The following CCDC15 variants were observed in gnomAD, a reference collection of about 807,000 sequenced individuals.
CCDC15 encodes coiled-coil domain-containing protein 15.
In CCDC15, 105 loss-of-function variants were observed where a neutral mutation model predicts 114.5. That is an observed-to-expected ratio of 0.92 (90% CI 0.78 to 1.08). CCDC15 has a LOEUF of 1.08. Ranked by LOEUF, CCDC15 falls within the 50% of genes least tolerant of loss-of-function variation. The pLI, the probability that CCDC15 is intolerant of heterozygous loss-of-function variation, is 0.00. For synonymous variants in CCDC15, 334 were observed against 377.8 expected (o/e 0.88, Z 1.34); for missense variants, 1,105 against 1,093.6 (o/e 1.01, Z -0.15).
intron 2 of CCDC15, among the ~76,000 whole-genome samples, chr11:124,958,653 G>A (rs1947597879): frequency 6.6e-6 from 1 of 152,162 alleles, no homozygotes; most frequent in Non-Finnish European, 1.5e-5. Context: ...AATGAGAGGT[G>A]TTATAGCATA....
chr11:125,012,355 T>A (rs1948598446), intron 13 of CCDC15, among the ~76,000 whole-genome samples: 1 of 152,212 alleles, frequency 6.6e-6, no homozygotes, highest in South Asian at 2.1e-4. Context: ...GATTCTGCAT[T>A]TATTCAGAAA....
At chr11:125,035,405 T>C (rs1039670774) in intron 13 of CCDC15, among the ~76,000 whole-genome samples, 2 of 151,932 alleles carry the variant, frequency 1.3e-5, no homozygotes, top group African/African-American at 2.4e-5. Context: ...CTCCTGCTCT[T>C]TTTTGGTTTC....
At chr11:124,979,250 C>G (rs547463908) in intron 6 of CCDC15, among the ~76,000 whole-genome samples, 21 of 152,198 alleles carry the variant, frequency 1.4e-4, no homozygotes, top group Admixed American at 3.9e-4. Context: ...TGCTCTTTTT[C>G]TTAGAATTGC....
At chr11:124,962,648 C>CTT (rs11286590) in intron 4 of CCDC15, among the ~76,000 whole-genome samples, 8,453 of 147,778 alleles carry the variant, frequency 0.057, 271 homozygotes, top group African/African-American at 0.088. Flanking sequence ...GAATTCAGTT[C>CTT]TTTTTTTTTT....
chr11:124,969,653 A>G (rs1947847274), intron 4 of CCDC15, among the ~76,000 whole-genome samples: 1 of 152,198 alleles, frequency 6.6e-6, no homozygotes, highest in African/African-American at 2.4e-5. Flanking sequence ...TAAAGCTTTA[A>G]GTAATGTGAA....
intron 13 of CCDC15, among the ~76,000 whole-genome samples, chr11:125,016,563 C>T (rs1053292813): frequency 3.9e-5 from 6 of 152,136 alleles, no homozygotes; most frequent in African/African-American, 1.4e-4. Flanking sequence ...ACTGTCTCAC[C>T]TAGGCCAGAT....
chr11:125,019,692 A>G (rs1027471609), intron 13 of CCDC15, among the ~76,000 whole-genome samples: 2 of 152,002 alleles, frequency 1.3e-5, no homozygotes, highest in African/African-American at 4.8e-5. Flanking sequence ...GTCACTGGGT[A>G]CATGTTGTAC....
intron 2 of CCDC15, 136 bp downstream of exon 2, chr11:124,955,045 C>T: frequency 2.5e-6 from 2 of 803,580 alleles, no homozygotes; most frequent in Non-Finnish European, 3.8e-6. Flanking sequence ...TATGCTCTTG[C>T]ATTAGGATTA....
chr11:124,979,826 G>A (rs1436324205), intron 6 of CCDC15, among the ~76,000 whole-genome samples: 3 of 152,120 alleles, frequency 2.0e-5, no homozygotes, highest in African/African-American at 2.4e-5. Context: ...TGATGAGAGA[G>A]GACATCTTTG....
chr11:124,990,973 T>C (rs1353764583), intron 8 of CCDC15, among the ~76,000 whole-genome samples: 1 of 152,216 alleles, frequency 6.6e-6, no homozygotes, highest in African/African-American at 2.4e-5. Context: ...GTTTTTGGTT[T>C]TTCCATAAGG....
intron 12 of CCDC15, 83 bp from the exon 13 acceptor site, chr11:125,005,026 T>TTGTC: frequency 3.4e-6 from 2 of 587,046 alleles, no homozygotes; most frequent in Non-Finnish European, 5.9e-6. Context: ...GCATTTGTTT[T>TTGTC]TGTCTATGGT....
intron 4 of CCDC15, among the ~76,000 whole-genome samples, chr11:124,960,416 A>G (rs1326876470): frequency 1.3e-5 from 2 of 151,908 alleles, no homozygotes; most frequent in African/African-American, 4.8e-5. Context: ...AAGAACATGG[A>G]TTTTCCAAGT....
At chr11:124,971,020 A>G (rs181763462) in intron 4 of CCDC15, among the ~76,000 whole-genome samples, 80 of 152,256 alleles carry the variant, frequency 5.3e-4, no homozygotes, top group African/African-American at 1.0e-3. Flanking sequence ...ACATATTACT[A>G]CACAACCCTT....
At chr11:124,969,270 A>T (rs1947839236) in intron 4 of CCDC15, among the ~76,000 whole-genome samples, 1 of 152,156 alleles carries the variant, frequency 6.6e-6, no homozygotes, top group Non-Finnish European at 1.5e-5. Flanking sequence ...AAGGTCAGTT[A>T]AGATTAGTTG....
At position 124,977,548 on chromosome 11, in the gene CCDC15, T is replaced by C; in HGVS notation, c.701T>C (p.Val234Ala). 6.2e-7 allele frequency: 1 copy of C among 1,609,436 alleles called. No homozygotes were observed. Among genetic ancestry groups the C allele is most frequent in the Non-Finnish European group, 8.5e-7 (1 of 1,177,678 alleles). ...TGIRGELPIK[V>A]HQGLLAAVPY... ...ATAAGAGGAGAGTTGCCCATTAAGG[T>C]CCATCAAGGTCTTTTAGCTGCTGTA... The change falls in exon 6 of 16, where the codon GTC (valine) becomes GCC (alanine). Residue 234 changes from valine to alanine, a missense_variant. Physicochemically the swap from Val to Ala is moderately conservative, Grantham distance 64. Transcript: ENST00000344762.
At chr11:124,968,193 C>CA (rs1281649193) in intron 4 of CCDC15, among the ~76,000 whole-genome samples, 2 of 152,216 alleles carry the variant, frequency 1.3e-5, no homozygotes, top group African/African-American at 4.8e-5. Flanking sequence ...TCAGAGCTGT[C>CA]AGACAGGGAC....
At chr11:124,958,983 AT>A (rs889741758) in intron 2 of CCDC15, 131 bp from the exon 3 acceptor site, 412 of 545,414 alleles carry the variant, frequency 7.6e-4, no homozygotes, top group South Asian at 8.9e-4. Context: ...CATACATTCC[AT>A]TTTTTTTTGT....
chr11:124,990,636 C>T (rs1337544655), intron 8 of CCDC15, among the ~76,000 whole-genome samples: 1 of 152,162 alleles, frequency 6.6e-6, no homozygotes, highest in African/African-American at 2.4e-5. Flanking sequence ...AAAGTATTAC[C>T]AGCAGCATAT....
intron 6 of CCDC15, among the ~76,000 whole-genome samples, chr11:124,981,976 T>C (rs558925349): frequency 3.9e-5 from 6 of 152,346 alleles, no homozygotes; most frequent in Admixed American, 2.0e-4. Context: ...TGCACTTGTA[T>C]TGGGTGCATA....
Sources: gnomAD v4.1 joint callset for allele counts (sites outside exome capture counted in the v4.1 genomes callset) on GRCh38, gnomAD v4.1.1 for gene constraint, MANE v1.5 for transcripts, NCBI Gene and HGNC (gene_info 2026-07-23, HGNC 2026-07-21) for gene names.